The following PRKCG variants were observed in gnomAD, a reference collection of about 807,000 sequenced individuals.
PRKCG encodes the protein protein kinase C gamma type.
In PRKCG, 28 loss-of-function variants were observed where a neutral mutation model predicts 82.0. The ratio of observed to expected loss-of-function variants is 0.34; its 90% CI spans 0.25 to 0.47. PRKCG has a LOEUF of 0.47. PRKCG is among the 20% of genes least tolerant of loss of function. The pLI is 1.00. For synonymous variants in PRKCG, 383 were observed against 376.6 expected, an observed-to-expected ratio of 1.02 and a Z score of -0.20; for missense variants, 640 against 952.7, an observed-to-expected ratio of 0.67 and a Z score of 4.32.
At chr19:53,898,414 T>G (rs757145206) in intron 10 of PRKCG, 26 bp from the exon 11 acceptor site, 1 of 1,613,666 alleles carries the variant, frequency 6.2e-7, no homozygotes, top group South Asian at 1.1e-5. Flanking sequence ...CAACATGGAC[T>G]GGCCCTTTTG....
intron 9 of PRKCG, among the ~76,000 whole-genome samples, chr19:53,896,061 GAAA>G (rs34110242): frequency 7.9e-6 from 1 of 126,570 alleles, no homozygotes. Context: ...CTCTATCTCA[GAAA>G]AAAAAAAAAA....
At chr19:53,895,850 G>A (rs1284307469) in intron 9 of PRKCG, among the ~76,000 whole-genome samples, 1 of 152,082 alleles carries the variant, frequency 6.6e-6, no homozygotes, top group Non-Finnish European at 1.5e-5. Flanking sequence ...ACGAGGTCAG[G>A]AGATCGAGAC....
chr19:53,888,468 A>G (rs570570736), intron 3 of PRKCG, among the ~76,000 whole-genome samples: 2 of 152,274 alleles, frequency 1.3e-5, no homozygotes, highest in Admixed American at 1.3e-4. Flanking sequence ...GCTTCAAAAT[A>G]TAGATTATTT....
intron 9 of PRKCG, among the ~76,000 whole-genome samples, chr19:53,893,907 C>T (rs1254969332): frequency 6.6e-6 from 1 of 151,804 alleles, no homozygotes; most frequent in Non-Finnish European, 1.5e-5. Flanking sequence ...GTGACCGCCA[C>T]CACACCCAGC....
chr19:53,890,495 T>C (rs1175002599), intron 5 of PRKCG, among the ~76,000 whole-genome samples: 1 of 151,944 alleles, frequency 6.6e-6, no homozygotes, highest in Non-Finnish European at 1.5e-5. Flanking sequence ...TGACCCCAGG[T>C]GATCCCCTCG....
intron 9 of PRKCG, among the ~76,000 whole-genome samples, chr19:53,896,379 T>C (rs1012489082): frequency 3.9e-4 from 1 of 2,552 alleles, no homozygotes; most frequent in African/African-American, 1.2e-3. Context: ...CAGCCCTGAT[T>C]ATTATTATTA....
chr19:53,888,744 T>G (rs997781650), intron 3 of PRKCG, among the ~76,000 whole-genome samples: 1 of 151,914 alleles, frequency 6.6e-6, no homozygotes, highest in Non-Finnish European at 1.5e-5. Context: ...CACCTGGAGC[T>G]CAGAGAAGGC....
In PRKCG at chr19:53,897,923, T is replaced by A. The variant is rs747978282; in HGVS notation, c.940-36T>A. 3 of 1,613,670 alleles carry A rather than the reference T, an allele frequency of 1.9e-6. No individual in the cohort carries two copies. The East Asian group carries it at 6.7e-5, about 36-fold the overall frequency. ...CATTTCCTTATCGCTGTGTAAGGTC[T>A]AACTGCCTCTGGCTCTTTCTTTCTC... On this transcript the variant is annotated intron_variant, in intron 9 of 17. Transcript: ENST00000263431.
At chr19:53,905,999 C>T (rs2068800635) in intron 16 of PRKCG, among the ~76,000 whole-genome samples, 1 of 120,340 alleles carries the variant, frequency 8.3e-6, no homozygotes, top group African/African-American at 4.5e-5. Context: ...CTCTCTGTCT[C>T]TCTCTGTCTC....
At position 53,898,434 on chromosome 19, in the gene PRKCG, G is replaced by T. The variant is rs2068733352; in HGVS notation, c.1093-6G>T. 5 of 1,613,958 alleles carry T rather than the reference G, an allele frequency of 3.1e-6. No homozygotes were observed. Among genetic ancestry groups the T allele is most frequent in the Non-Finnish European group, 3.4e-6 (4 of 1,180,012 alleles). On this transcript the variant is annotated splice_region_variant and splice_polypyrimidine_tract_variant and intron_variant, in intron 10 of 17. Transcript: ENST00000263431. Reference sequence around the variant, plus strand: ...TGGACTGGCCCTTTTGGAACTGTGCGCATAGGTGATGCTGGCCGAGCGCAG... The same window carrying T: ...TGGACTGGCCCTTTTGGAACTGTGCTCATAGGTGATGCTGGCCGAGCGCAG...
chr19:53,894,073 AT>A (rs955119444), intron 9 of PRKCG, among the ~76,000 whole-genome samples: 6 of 130,684 alleles, frequency 4.6e-5, no homozygotes, highest in Non-Finnish European at 3.3e-5. Flanking sequence ...TGAGTTTTTT[AT>A]TTTTTTTTTG....
At chr19:53,894,432 C>A (rs2068703179) in intron 9 of PRKCG, among the ~76,000 whole-genome samples, 1 of 151,726 alleles carries the variant, frequency 6.6e-6, no homozygotes, top group South Asian at 2.1e-4. Context: ...CATTCACTCA[C>A]TGAATATCCT....
At chr19:53,903,238 GC>G in intron 15 of PRKCG, 85 bp downstream of exon 15, 2 of 1,068,362 alleles carry the variant, frequency 1.9e-6, no homozygotes, top group Non-Finnish European at 2.9e-6. Context: ...TTAGAAAGGA[GC>G]CCAGAAGGTT....
chr19:53,889,981 A>G lies in PRKCG; in HGVS notation c.493A>G (p.Ile165Val). 6.4e-7 allele frequency: 1 copy of G among 1,572,244 alleles called. No individual in the cohort carries two copies. Among genetic ancestry groups the G allele is most frequent in the East Asian group, 2.4e-5 (1 of 42,350 alleles). Residue 165 changes from isoleucine (I) to valine (V), a missense_variant, in exon 5 of 18, where the codon ATC (isoleucine) becomes GTC (valine). Around this residue, in one of 7 missense-constraint regions of PRKCG, gnomAD observed 261 missense variants for 312.1 expected, o/e 0.84. Transcript: ENST00000263431. This position sits in a 1 kb window ranked among gnomAD's most constrained non-coding sequence, Gnocchi z 4.4. ...TERRGRLQLE[I>V]RAPTADEIHV... is the part of the protein sequence containing the mutation. Reference sequence around the variant, plus strand: ...GCGCCGCGGGCGCCTGCAGCTGGAGATCCGGGCTCCCACAGCAGATGAGAT... The same window carrying G: ...GCGCCGCGGGCGCCTGCAGCTGGAGGTCCGGGCTCCCACAGCAGATGAGAT...
Position 53,892,314 on chromosome 19 carries a change from T to G in PRKCG, c.687-195T>G, listed in dbSNP as rs1380718349. Among the ~76,000 whole-genome samples, 1 of 151,648 alleles carries G rather than the reference T, an allele frequency of 6.6e-6. No homozygotes were observed. The highest frequency in any genetic ancestry group is 1.5e-5 in the Non-Finnish European group (1 of 67,916). On this transcript the variant is annotated intron_variant, in intron 6 of 17. Transcript: ENST00000263431. The surrounding 1 kb of genome is among the most constrained non-coding windows in gnomAD (Gnocchi z 5.9). ...TGCAGGAGGAAGGGAGAGGAAGAGC[T>G]CTCTAGGTTTACTTCAGGCCCCAAA...
Position 53,892,439 on chromosome 19 carries a change from C to T in PRKCG, c.687-70C>T. On this transcript the variant is annotated intron_variant, in intron 6 of 17. Coordinates refer to ENST00000263431, the MANE Select transcript of PRKCG (RefSeq NM_002739.5). This position sits in a 1 kb window ranked among gnomAD's most constrained non-coding sequence, Gnocchi z 5.9. ...TGGCTGGGTTTGCCCCCACCTCCAG[C>T]ACCAAGGATGGGGAACCGAGGGGAG... is the stretch of plus-strand genomic sequence containing the variant. The T allele has an allele frequency of 2.5e-6, 4 of 1,569,242 alleles. No individual in the cohort carries two copies. In the South Asian group the frequency reaches 4.6e-5, roughly 18 times the overall value.
In PRKCG at chr19:53,882,352, A is replaced by C. The variant is rs1475025188; in HGVS notation, c.-143A>C. ...CCGCTCCCTGCCTGGCGCGCTCCGC[A>C]CCTGGAGGTGCCTTGCCCCTCTCCT... On this transcript the variant is annotated 5_prime_UTR_variant, in exon 1 of 18. Coordinates refer to ENST00000263431, the MANE Select transcript of PRKCG (RefSeq NM_002739.5). The surrounding 1 kb of genome is among the most constrained non-coding windows in gnomAD (Gnocchi z 6.1). 5.6e-6 allele frequency: 7 copies of C among 1,252,914 alleles called. No individual in the cohort carries two copies. The highest frequency in any genetic ancestry group is 7.8e-6 in the Non-Finnish European group (7 of 898,272). 77.6% of individuals were successfully genotyped at this position (1,252,914 alleles called of 1,614,324 possible).
Position 53,900,568 on chromosome 19 carries a change from A to C in PRKCG, c.1437-43A>C. The C allele has an allele frequency of 6.2e-7, 1 of 1,614,176 alleles. No individual in the cohort carries two copies. The highest frequency in any genetic ancestry group is 8.5e-7 in the Non-Finnish European group (1 of 1,180,034). On this transcript the variant is annotated intron_variant, in intron 13 of 17. Transcript: ENST00000263431. The surrounding 1 kb of genome is among the most constrained non-coding windows in gnomAD (Gnocchi z 4.2). ...TATGTGGCTCTAGACTGCTGAACTC[A>C]ACACTTCTTGCAATTCCTGCCCCAC...
In PRKCG at chr19:53,900,380, C is replaced by T; in HGVS notation, c.1374-39C>T. The stretch of plus-strand genomic sequence containing the variant: ...GTGGTGGAAGGGGGCAGGATCCAGC[C>T]ACTGACCTTCTGACGTCCCCACCCA... On this transcript the variant is annotated intron_variant, in intron 12 of 17. Transcript: ENST00000263431. The surrounding 1 kb of genome is among the most constrained non-coding windows in gnomAD (Gnocchi z 4.2). 1 of 1,613,996 alleles carries T rather than the reference C, an allele frequency of 6.2e-7. No individual in the cohort carries two copies. Among genetic ancestry groups the T allele is most frequent in the Non-Finnish European group, 8.5e-7 (1 of 1,179,902 alleles).
Sources: allele counts gnomAD v4.1 joint callset (sites outside exome capture counted in the v4.1 genomes callset), GRCh38; gene constraint gnomAD v4.1.1; regional missense constraint gnomAD v4.1.1; non-coding constraint Gnocchi (gnomAD v3.1); transcripts MANE v1.5; gene names NCBI Gene and HGNC (gene_info 2026-07-23, HGNC 2026-07-21).